AP3D1: variants seen among roughly 807,000 people sequenced by gnomAD.
AP3D1 encodes adaptor related protein complex 3 subunit delta 1.
In AP3D1, 51 loss-of-function variants were observed where a neutral mutation model predicts 147.6. The ratio of observed to expected loss-of-function variants is 0.35; its 90% CI spans 0.28 to 0.44. The LOEUF (loss-of-function observed/expected upper bound fraction) is 0.44. Among genes scored for constraint, AP3D1 ranks in the 20% least tolerant of loss-of-function variants. The pLI, the probability that AP3D1 is intolerant of heterozygous loss-of-function variation, is 1.00. For synonymous variants in AP3D1, 760 were observed against 663.0 expected (o/e 1.15, Z -2.25); for missense variants, 1,421 against 1,624.2 (o/e 0.87, Z 2.15).
intron 6 of AP3D1, among the ~76,000 whole-genome samples, chr19:2,130,182 C>G (rs2018898312): frequency 2.0e-5 from 3 of 152,062 alleles, no homozygotes; most frequent in Admixed American, 2.0e-4. Flanking sequence ...CAGGGACACG[C>G]CAGACTCACC....
chr19:2,149,100 T>C (rs2019438182), intron 1 of AP3D1, among the ~76,000 whole-genome samples: 1 of 152,078 alleles, frequency 6.6e-6, no homozygotes, highest in African/African-American at 2.4e-5. Context: ...CATGAACACC[T>C]GAGTTACCAC....
chr19:2,112,847 G>T lies in AP3D1; in HGVS notation c.2787+13C>A. ...GCAGCCCTCCACAGCCCCTGGGGGA[G>T]TGACAGCCTCACCTTGTCCTGGTCT... On this transcript the variant is annotated intron_variant, in intron 24 of 31. Transcript: ENST00000643116. 1 of 1,601,500 alleles carries T rather than the reference G, an allele frequency of 6.2e-7. No individual in the cohort carries two copies.
chr19:2,135,519 G>C (rs2019052888), intron 4 of AP3D1, among the ~76,000 whole-genome samples: 1 of 152,222 alleles, frequency 6.6e-6, no homozygotes, highest in South Asian at 2.1e-4. Flanking sequence ...CTGGGCAATA[G>C]AGTGAGACTC....
chr19:2,114,164 T>C lies in AP3D1; in HGVS notation c.2562A>G (p.Lys854=). ...PKKKEKKHKE[K]ERDKEKKKEK... is the part of the protein sequence containing the mutation. ...CCTTCTTCTTCTCCTTGTCTCTCTC[T>C]TTCTCTTTGTGTTTTTTCTCTTTCT... Residue 854 remains lysine (K), a synonymous_variant, in exon 22 of 32, where the codon AAA becomes AAG. Transcript: ENST00000643116. 2 of 1,580,010 alleles carry C rather than the reference T, an allele frequency of 1.3e-6. 1 individual carries two copies. Among genetic ancestry groups the C allele is most frequent in the South Asian group, 2.3e-5 (2 of 87,092 alleles).
intron 31 of AP3D1, among the ~76,000 whole-genome samples, chr19:2,104,101 G>A (rs973735973): frequency 3.9e-4 from 53 of 134,216 alleles, no homozygotes; most frequent in East Asian, 9.3e-4. Flanking sequence ...CCCCAACGCC[G>A]AGGCACCAAC....
At position 2,102,051 on chromosome 19, in the gene AP3D1, T is replaced by TA. The variant is rs534857382; in HGVS notation, c.*121dup. ...TCGGATGTCTACACGGCGGACAACA[T>TA]AGAGTTAAATTAACACTCAGGCTTG... On this transcript the variant is annotated 3_prime_UTR_variant, in exon 32 of 32. Transcript: ENST00000643116. The TA allele has an allele frequency of 7.4e-5, 54 of 724,918 alleles. 1 individual carries two copies. The Middle Eastern group carries it at 1.2e-3, about 16-fold the overall frequency. 44.9% of individuals were successfully genotyped at this position (724,918 alleles called of 1,614,324 possible).
Position 2,114,185 on chromosome 19 carries a change from T to A in AP3D1, c.2541A>T (p.Lys847Asn). ...VEKKSKKPKK[K>N]EKKHKEKERD... The stretch of plus-strand genomic sequence containing the variant: ...TCTCTTTCTCTTTGTGTTTTTTCTC[T>A]TTCTTCTTGGGTTTCTTGCTCTTCT... The change falls in exon 22 of 32, where the codon AAA (lysine) becomes AAT (asparagine). Residue 847 changes from lysine to asparagine, a missense_variant. By Grantham distance (94) the Lys-to-Asn change is moderately conservative. Coordinates refer to ENST00000643116, the MANE Select transcript of AP3D1 (RefSeq NM_001261826.3). The A allele has an allele frequency of 1.2e-6, 2 of 1,603,462 alleles. No individual in the cohort carries two copies. The highest frequency in any genetic ancestry group is 1.7e-6 in the Non-Finnish European group (2 of 1,174,710).
chr19:2,121,166 T>C lies in AP3D1; in HGVS notation c.1247A>G (p.Glu416Gly). ...CACCCCTGGGAGCGGGACGCACCAC[T>C]CGAAGTTGGTGATGTACTGGTAGTT... ...QSNYQYITNF[E>G]WYISILVELT... The change falls in exon 13 of 32, where the codon GAG (glutamate) becomes GGG (glycine). Residue 416 changes from glutamate to glycine, a missense_variant. Around this residue, in one of 6 missense-constraint regions of AP3D1, gnomAD observed 310 missense variants for 388.1 expected, o/e 0.80. Transcript: ENST00000643116. 1 of 1,614,126 alleles carries C rather than the reference T, an allele frequency of 6.2e-7. No individual in the cohort carries two copies. Among genetic ancestry groups the C allele is most frequent in the Non-Finnish European group, 8.5e-7 (1 of 1,179,992 alleles).
At chr19:2,147,645 C>T (rs1161169616) in intron 1 of AP3D1, among the ~76,000 whole-genome samples, 5 of 151,626 alleles carry the variant, frequency 3.3e-5, no homozygotes, top group Non-Finnish European at 7.4e-5. Context: ...CCTGTAATCC[C>T]AGCACTTTGG....
In AP3D1 at chr19:2,111,697, T is replaced by G; in HGVS notation, c.2919A>C (p.Pro973=). ...AAGEPVQNGA[P]EEEQLPPESS... is the part of the protein sequence containing the mutation. ...CCCTCACCGGGAGCTGCTCCTCCTC[T>G]GGCGCGCCATTCTGCACCGGCTCCC... Residue 973 remains proline (P), a synonymous_variant, in exon 25 of 32, where the codon CCA becomes CCC. Transcript: ENST00000643116. 2 of 1,595,716 alleles carry G rather than the reference T, an allele frequency of 1.3e-6. No homozygotes were observed. Among genetic ancestry groups the G allele is most frequent in the Non-Finnish European group, 1.7e-6 (2 of 1,172,978 alleles).
upstream of AP3D1, among the ~76,000 whole-genome samples, chr19:2,155,318 G>A (rs142900296): frequency 3.1e-3 from 476 of 151,538 alleles, 2 homozygotes; most frequent in African/African-American, 0.011. Context: ...TGGAGATTGC[G>A]CCACTGCACT....
rs769962697 is a variant in AP3D1 at position 2,112,948 on chromosome 19, G to A, written c.2699C>T (p.Thr900Ile). The A allele has an allele frequency of 1.2e-6, 2 of 1,612,466 alleles. No individual in the cohort carries two copies. The highest frequency in any genetic ancestry group is 1.7e-5 in the Admixed American group (1 of 59,940). ...ACACTCGTCCTTCGGGGTAGTGACAGTGTTCACACTGAGCTCCCCCTGCAG... is the reference window on the plus strand; with the variant it reads ...ACACTCGTCCTTCGGGGTAGTGACAATGTTCACACTGAGCTCCCCCTGCAG... ...VPSTGELSVNTVTTPKDECED... is the reference protein window; with the variant it reads ...VPSTGELSVNIVTTPKDECED... The change falls in exon 24 of 32, where the codon ACT (threonine) becomes ATT (isoleucine). Residue 900 changes from threonine to isoleucine, a missense_variant. Thr to Ile is a moderately conservative substitution (Grantham distance 89). Around this residue, in one of 6 missense-constraint regions of AP3D1, gnomAD observed 791 missense variants for 761.4 expected, o/e 1.04. Coordinates refer to ENST00000643116, the MANE Select transcript of AP3D1 (RefSeq NM_001261826.3).
At chr19:2,120,743 G>T in intron 14 of AP3D1, 119 bp downstream of exon 14, 1 of 1,010,026 alleles carries the variant, frequency 9.9e-7, no homozygotes, top group Non-Finnish European at 1.5e-6. Context: ...GGACCTGCAA[G>T]ACGGCCGGGG....
At chr19:2,154,725 C>A (rs1469089991), upstream of AP3D1, among the ~76,000 whole-genome samples, 1 of 152,224 alleles carries the variant, frequency 6.6e-6, no homozygotes, top group Admixed American at 6.5e-5. Flanking sequence ...TGCCCCATAC[C>A]CTGGAGGAAG....
chr19:2,125,631 T>TG (rs1325194491), intron 9 of AP3D1, among the ~76,000 whole-genome samples: 2 of 152,020 alleles, frequency 1.3e-5, no homozygotes, highest in Non-Finnish European at 2.9e-5. Context: ...GAGTGTTATG[T>TG]GAATATAAAA....
intron 1 of AP3D1, 26 bp from the exon 2 acceptor site, chr19:2,138,740 T>TTG (rs1472785214): frequency 4.6e-6 from 7 of 1,518,172 alleles, no homozygotes; most frequent in Non-Finnish European, 5.5e-6. Context: ...AACACAGAGA[T>TTG]TACAAACATC....
chr19:2,114,815 G>A lies in AP3D1; in HGVS notation c.2356C>T (p.Leu786=), dbSNP rs1438924054. ...TCTTTGTCATCCTCGTCGCTGGGCA[G>A]AGCATTCTGACAGGAAGAGAGGAAC... The part of the protein sequence containing the change: ...IVTEEMPENA[L]PSDEDDKDPN... The change falls in exon 21 of 32, where the codon CTG becomes TTG. Residue 786 remains leucine, a synonymous_variant. Transcript: ENST00000643116. 1.2e-6 allele frequency: 2 copies of A among 1,613,954 alleles called. No homozygotes were observed. Among genetic ancestry groups the A allele is most frequent in the South Asian group, 2.2e-5 (2 of 91,064 alleles).
intron 14 of AP3D1, 127 bp from the exon 15 acceptor site, chr19:2,118,959 C>CCGCTCAGGGAAT: frequency 3.5e-6 from 3 of 851,976 alleles, no homozygotes; most frequent in Non-Finnish European, 5.4e-6. Flanking sequence ...ATTCCCTGAG[C>CCGCTCAGGGAAT]GGTCTCCAGG....
intron 31 of AP3D1, among the ~76,000 whole-genome samples, chr19:2,104,227 G>A (rs187592661): frequency 9.7e-4 from 129 of 133,074 alleles, no homozygotes; most frequent in African/African-American, 2.2e-3. Context: ...CTCCAACACC[G>A]AGATGCCGAA....
Sources: allele counts gnomAD v4.1 joint callset (sites outside exome capture counted in the v4.1 genomes callset), GRCh38; gene constraint gnomAD v4.1.1; regional missense constraint gnomAD v4.1.1; transcripts MANE v1.5; gene names NCBI Gene and HGNC (gene_info 2026-07-23, HGNC 2026-07-21).